The following GLB1L2 variants were observed in gnomAD, a reference collection of about 807,000 sequenced individuals.
GLB1L2 encodes the protein galactosidase beta 1 like 2.
Under a neutral mutation model 84.1 loss-of-function variants are expected in GLB1L2, and 68 were observed. The observed-to-expected ratio is 0.81, with a 90% CI of 0.67 to 0.99. The LOEUF (loss-of-function observed/expected upper bound fraction) is 0.99, where lower values mean the gene tolerates loss of function less well. Among genes scored for constraint, GLB1L2 ranks in the 50% least tolerant of loss-of-function variants. The pLI, the probability that GLB1L2 is intolerant of heterozygous loss-of-function variation, is 0.00. For synonymous variants in GLB1L2, 290 were observed against 318.0 expected, an observed-to-expected ratio of 0.91 and a Z score of 0.94; for missense variants, 762 against 805.6, an observed-to-expected ratio of 0.95 and a Z score of 0.66.
At chr11:134,344,226 G>A (rs946550274) in intron 2 of GLB1L2, among the ~76,000 whole-genome samples, 161 bp from the exon 3 acceptor site, 2 of 152,162 alleles carry the variant, frequency 1.3e-5, no homozygotes, top group African/African-American at 4.8e-5. Flanking sequence ...CCTCGATTCT[G>A]GTCCCTAGAT....
In GLB1L2 at chr11:134,375,202, T is replaced by C; in HGVS notation, c.*144T>C. On this transcript the variant is annotated 3_prime_UTR_variant, in exon 19 of 19. Transcript: ENST00000535456. Reference sequence around the variant, plus strand: ...GGGACTGGGGGCTACAGTCTGCCCCTGTCTCAGCTCAAAACCCTAAGCCTG... The same window carrying C: ...GGGACTGGGGGCTACAGTCTGCCCCCGTCTCAGCTCAAAACCCTAAGCCTG... The C allele has an allele frequency of 3.1e-6, 2 of 637,174 alleles. No homozygotes were observed. Among genetic ancestry groups the C allele is most frequent in the Non-Finnish European group, 5.5e-6 (2 of 365,064 alleles). The allele number at this position is 637,174 out of a possible 1,614,324, so 39.5% of individuals were successfully genotyped here.
Position 134,374,610 on chromosome 11 carries a change from G to A in GLB1L2, c.1716G>A (p.Glu572=), listed in dbSNP as rs1036005051. The A allele has an allele frequency of 1.9e-6, 3 of 1,613,638 alleles. No individual in the cohort carries two copies. The highest frequency in any genetic ancestry group is 2.5e-6 in the Non-Finnish European group (3 of 1,179,592). The change falls in exon 18 of 19, where the codon GAG becomes GAA. Residue 572 remains glutamate, a synonymous_variant. Coordinates refer to ENST00000535456, the MANE Select transcript of GLB1L2 (RefSeq NM_001370461.1). The stretch of plus-strand genomic sequence containing the variant: ...TTCCCCTCTGTTTCAAGGGCTGGGA[G>A]AAGGGGGTTGTATTCATCAATGGCC... The part of the protein sequence containing the change: ...CDTFLKLEGW[E]KGVVFINGQN...
chr11:134,361,875 G>C (rs1272236388), intron 7 of GLB1L2, among the ~76,000 whole-genome samples: 2 of 152,164 alleles, frequency 1.3e-5, no homozygotes, highest in African/African-American at 4.8e-5. Flanking sequence ...CGGCACAGGG[G>C]ACTCCGGCTC....
chr11:134,368,880 G>A (rs966275665), intron 10 of GLB1L2, 99 bp downstream of exon 10: 19 of 1,297,294 alleles, frequency 1.5e-5, no homozygotes, highest in Admixed American at 6.1e-5. Flanking sequence ...TGGCACCTTC[G>A]TGTCTTTGGC....
rs1479195639 is a variant in GLB1L2, at chr11:134,346,243, CT to C, written c.450-1081del. ...CTTCTCAGGCACTGATCCATCCAGC[CT>C]GGTAGGCTCACCCTAGTCACGAACA... is the stretch of plus-strand genomic sequence containing the variant. On this transcript the variant is annotated intron_variant, in intron 4 of 18. Coordinates refer to ENST00000535456, the MANE Select transcript of GLB1L2 (RefSeq NM_001370461.1). The C allele has an allele frequency of 2.0e-5, 3 of 152,578 alleles. No individual in the cohort carries two copies. The East Asian group carries it at 5.8e-4, about 29-fold the overall frequency. The allele number at this position is 152,578 out of a possible 1,614,324, so 9.5% of individuals were successfully genotyped here.
At chr11:134,333,317 G>C (rs1943332755) in intron 1 of GLB1L2, among the ~76,000 whole-genome samples, 2 of 152,192 alleles carry the variant, frequency 1.3e-5, no homozygotes, top group African/African-American at 4.8e-5. Flanking sequence ...TCCTGCCTAA[G>C]ATCTCTAAGC....
chr11:134,347,190 G>T, intron 4 of GLB1L2, 135 bp from the exon 5 acceptor site: 2 of 724,952 alleles, frequency 2.8e-6, no homozygotes, highest in East Asian at 2.5e-5. Flanking sequence ...CCACTTCTGG[G>T]CTCAGTGGGG....
At position 134,332,033 on chromosome 11, in the gene GLB1L2, C is replaced by G. The variant is rs755263289; in HGVS notation, c.-29C>G. Reference sequence around the variant, plus strand: ...GGCTGAGTGCGGACTGGAGTGGGAACCCGGGTCCCCGCGCTTAGAGAACAC... The same window carrying G: ...GGCTGAGTGCGGACTGGAGTGGGAAGCCGGGTCCCCGCGCTTAGAGAACAC... On this transcript the variant is annotated 5_prime_UTR_variant, in exon 1 of 19. Coordinates refer to ENST00000535456, the MANE Select transcript of GLB1L2 (RefSeq NM_001370461.1). 6 of 1,507,534 alleles carry G rather than the reference C, an allele frequency of 4.0e-6. No homozygotes were observed. The African/African-American group carries it at 8.6e-5, about 21-fold the overall frequency. The allele number at this position is 1,507,534 out of a possible 1,614,324, so 93.4% of individuals were successfully genotyped here. A position where few individuals can be genotyped will look rare whatever the true frequency, so the allele number is the denominator to read the frequency against.
chr11:134,356,023 C>T lies in GLB1L2; in HGVS notation c.559-278C>T, dbSNP rs1476024107. ...CAATTTTGTACCATTTTGCATATGA[C>T]TTTTTGTTTTGATTTGGTGGTCACT... On this transcript the variant is annotated intron_variant, in intron 5 of 18. Transcript: ENST00000535456. 1.6e-5 allele frequency: 9 copies of T among 578,900 alleles called. No homozygotes were observed. The Admixed American group carries it at 1.7e-4, about 11-fold the overall frequency. The allele number at this position is 578,900 out of a possible 1,614,324, so 35.9% of individuals were successfully genotyped here.
intron 8 of GLB1L2, among the ~76,000 whole-genome samples, chr11:134,366,132 C>T (rs575236145): frequency 6.6e-6 from 1 of 152,190 alleles, no homozygotes; most frequent in African/African-American, 2.4e-5. Flanking sequence ...TGGGTGGACA[C>T]CCACCTCCGC....
chr11:134,360,862 G>A (rs1943774785), intron 7 of GLB1L2: 1 of 152,222 alleles, frequency 6.6e-6, no homozygotes, highest in South Asian at 2.1e-4. Flanking sequence ...TGCTTTAAAA[G>A]TTCTGCCTAT....
chr11:134,335,889 G>A (rs138577026), intron 1 of GLB1L2, among the ~76,000 whole-genome samples: 92 of 152,218 alleles, frequency 6.0e-4, no homozygotes, highest in African/African-American at 2.0e-3. Context: ...GTCTAGGCAC[G>A]TCCTCCCTCC....
chr11:134,337,636 C>T (rs949146353), intron 1 of GLB1L2, among the ~76,000 whole-genome samples: 1 of 152,208 alleles, frequency 6.6e-6, no homozygotes, highest in African/African-American at 2.4e-5. Context: ...AGTTGAGCCT[C>T]ATGGGAGCCT....
chr11:134,373,699 G>C lies in GLB1L2; in HGVS notation c.1508-22G>C, dbSNP rs568484004. The C allele has an allele frequency of 7.3e-5, 113 of 1,550,964 alleles. 1 individual carries two copies. The South Asian group carries it at 1.0e-3, about 14-fold the overall frequency. On this transcript the variant is annotated intron_variant, in intron 15 of 18. Coordinates refer to ENST00000535456, the MANE Select transcript of GLB1L2 (RefSeq NM_001370461.1). ...CGGCCCCTGCCTTTGGGCTACCCACGTGTCCTGCCTCCCTCCCACAGGCTT... is the reference window on the plus strand; with the variant it reads ...CGGCCCCTGCCTTTGGGCTACCCACCTGTCCTGCCTCCCTCCCACAGGCTT...
rs746942230 is a variant in GLB1L2 at position 134,375,414 on chromosome 11, C to T, written c.*356C>T. 2.2e-5 allele frequency: 5 copies of T among 226,090 alleles called. No homozygotes were observed. Among genetic ancestry groups the T allele is most frequent in the Non-Finnish European group, 3.4e-5 (4 of 116,804 alleles). 14.0% of individuals were successfully genotyped at this position (226,090 alleles called of 1,614,324 possible). ...CTGGACGTCACAGCCCTGCGAGCAT[C>T]TGCTGGACTCAGGCGTGCTCTTTGC... On this transcript the variant is annotated 3_prime_UTR_variant, in exon 19 of 19. Coordinates refer to ENST00000535456, the MANE Select transcript of GLB1L2 (RefSeq NM_001370461.1).
intron 18 of GLB1L2, 40 bp downstream of exon 18, chr11:134,374,758 T>C: frequency 6.7e-7 from 1 of 1,502,004 alleles, no homozygotes; most frequent in Non-Finnish European, 9.3e-7. Context: ...CATGACGCCC[T>C]GCCCACCTGC....
At position 134,342,853 on chromosome 11, in the gene GLB1L2, G is replaced by C; in HGVS notation, c.186G>C (p.Trp62Cys). 1 of 1,614,030 alleles carries C rather than the reference G, an allele frequency of 6.2e-7. No homozygotes were observed. Among genetic ancestry groups the C allele is most frequent in the African/African-American group, 1.3e-5 (1 of 75,056 alleles). Residue 62 changes from tryptophan to cysteine, a missense_variant, in exon 2 of 19, where the codon TGG (tryptophan) becomes TGC (cysteine). By Grantham distance (215) the Trp-to-Cys change is radical. This residue lies in a region of GLB1L2 where 100 missense variants were observed against 88.8 expected (regional missense o/e 1.13). Transcript: ENST00000535456. The stretch of plus-strand genomic sequence containing the variant: ...TCATGCTGGAGGATTCCACCTTCTG[G>C]ATCTTCGGGGGCTCCATCCACTATT... ...WNFMLEDSTF[W>C]IFGGSIHYFR...
At chr11:134,364,931 C>T (rs76587930) in intron 8 of GLB1L2, 2,934 of 153,008 alleles carry the variant, frequency 0.019, 87 homozygotes, top group African/African-American at 0.063. Context: ...CTCGAGCTCG[C>T]GTGCCCCTCC....
At position 134,369,794 on chromosome 11, in the gene GLB1L2, G is replaced by A. The variant is rs1333886694; in HGVS notation, c.1028-11G>A. ...ACAGGAATGACCATGACAGGGCCCG[G>A]TGTCTTGCAGACTATGATGCTGTGC... On this transcript the variant is annotated splice_polypyrimidine_tract_variant and intron_variant, in intron 10 of 18. Coordinates refer to ENST00000535456, the MANE Select transcript of GLB1L2 (RefSeq NM_001370461.1). 1 of 1,607,256 alleles carries A rather than the reference G, an allele frequency of 6.2e-7. No individual in the cohort carries two copies. The highest frequency in any genetic ancestry group is 8.5e-7 in the Non-Finnish European group (1 of 1,174,264).
Sources: allele counts gnomAD v4.1 joint callset (sites outside exome capture counted in the v4.1 genomes callset), GRCh38; gene constraint gnomAD v4.1.1; regional missense constraint gnomAD v4.1.1; transcripts MANE v1.5; gene names NCBI Gene and HGNC (gene_info 2026-07-23, HGNC 2026-07-21).